ANKH: variants seen among roughly 807,000 people sequenced by gnomAD.
The protein encoded by ANKH is ANKH inorganic pyrophosphate transport regulator.
Under a neutral mutation model 49.0 loss-of-function variants are expected in ANKH, and 15 were observed. The ratio of observed to expected loss-of-function variants is 0.31; its 90% CI spans 0.20 to 0.47. The LOEUF (loss-of-function observed/expected upper bound fraction) is 0.47. Ranked by LOEUF, ANKH falls within the 20% of genes least tolerant of loss-of-function variation. The probability of loss-of-function intolerance (pLI) is 1.00; values close to 1 mark genes in which losing one functional copy is unlikely to be tolerated. For synonymous variants in ANKH, 273 were observed against 260.0 expected, an observed-to-expected ratio of 1.05 and a Z score of -0.48; for missense variants, 429 against 652.0, an observed-to-expected ratio of 0.66 and a Z score of 3.72.
intron 1 of ANKH, among the ~76,000 whole-genome samples, chr5:14,800,017 T>A (rs567594803): frequency 6.6e-5 from 10 of 151,558 alleles, no homozygotes; most frequent in Non-Finnish European, 1.2e-4. Flanking sequence ...TGGGAGGAGG[T>A]AAAACTATCC....
chr5:14,816,517 C>G (rs1245435890), intron 1 of ANKH, among the ~76,000 whole-genome samples: 1 of 152,064 alleles, frequency 6.6e-6, no homozygotes, highest in East Asian at 1.9e-4. Context: ...TCGAACTTGT[C>G]AAACTCAGAA....
intron 1 of ANKH, among the ~76,000 whole-genome samples, chr5:14,795,234 A>G (rs924832054): frequency 6.6e-6 from 1 of 152,234 alleles, no homozygotes; most frequent in African/African-American, 2.4e-5. Context: ...ATGAAAAGGT[A>G]GTCAGCAAAA....
At chr5:14,838,233 G>T (rs550035123) in intron 1 of ANKH, among the ~76,000 whole-genome samples, 1 of 151,894 alleles carries the variant, frequency 6.6e-6, no homozygotes, top group East Asian at 1.9e-4. Flanking sequence ...TGCACGTTGT[G>T]CACATGTACC....
intron 3 of ANKH, among the ~76,000 whole-genome samples, chr5:14,756,453 T>TGATACGAGGAC (rs1435420781): frequency 1.3e-5 from 2 of 152,182 alleles, no homozygotes; most frequent in Non-Finnish European, 2.9e-5. Context: ...AGGAGGAAGA[T>TGATACGAGGAC]GCTACGAGGG....
intron 8 of ANKH, among the ~76,000 whole-genome samples, chr5:14,722,049 T>A (rs1476355579): frequency 6.7e-6 from 1 of 149,058 alleles, no homozygotes; most frequent in Non-Finnish European, 1.5e-5. Flanking sequence ...AGCATAATAA[T>A]CAGACTACAT....
At chr5:14,864,243 G>T (rs1052313341) in intron 1 of ANKH, among the ~76,000 whole-genome samples, 1 of 152,168 alleles carries the variant, frequency 6.6e-6, no homozygotes, top group Non-Finnish European at 1.5e-5. Context: ...TGCTTTTAAA[G>T]AATTTGATCT....
intron 8 of ANKH, among the ~76,000 whole-genome samples, chr5:14,731,441 G>A (rs1737999065): frequency 6.6e-6 from 1 of 152,194 alleles, no homozygotes; most frequent in Admixed American, 6.5e-5. Flanking sequence ...AAGGGAAAAG[G>A]GAAAGAGCTG....
chr5:14,834,992 G>A (rs760222916), intron 1 of ANKH, among the ~76,000 whole-genome samples: 5 of 152,012 alleles, frequency 3.3e-5, no homozygotes, highest in African/African-American at 4.8e-5. Context: ...ACAAAAGCAC[G>A]GTTCTCAAGT....
chr5:14,811,328 T>C (rs1223170998), intron 1 of ANKH, among the ~76,000 whole-genome samples: 1 of 152,172 alleles, frequency 6.6e-6, no homozygotes, highest in Non-Finnish European at 1.5e-5. Context: ...CTGTGCGGTC[T>C]TAATAGGCAC....
At chr5:14,809,258 C>T (rs1401811915) in intron 1 of ANKH, among the ~76,000 whole-genome samples, 10 of 118,476 alleles carry the variant, frequency 8.4e-5, no homozygotes, top group African/African-American at 2.3e-4. Flanking sequence ...GTGGGTGCAG[C>T]GCACCAGCAT....
At chr5:14,718,363 G>A (rs1356290057) in intron 8 of ANKH, among the ~76,000 whole-genome samples, 1 of 151,858 alleles carries the variant, frequency 6.6e-6, no homozygotes, top group East Asian at 1.9e-4. Context: ...AATGTGAGGA[G>A]GTCAAAACTA....
rs560918231 is a variant in ANKH, at chr5:14,749,279, T to C, written c.715A>G (p.Ser239Gly). The C allele has an allele frequency of 3.7e-6, 6 of 1,614,236 alleles. No individual in the cohort carries two copies. The South Asian group carries it at 5.5e-5, about 15-fold the overall frequency. ...GGDATIRKML[S>G]FWWPLALILA... ...ATTAGAGCCAAAGGCCACCAGAAGC[T>C]CAGCATCTTTCTTATTGTTGCATCT... Residue 239 changes from serine to glycine, a missense_variant, in exon 6 of 12, where the codon AGC becomes GGC. This residue lies in a region of ANKH where 378 missense variants were observed against 615.3 expected (regional missense o/e 0.61). Transcript: ENST00000284268.
chr5:14,712,810 G>T, intron 11 of ANKH, 64 bp downstream of exon 11: 1 of 1,484,874 alleles, frequency 6.7e-7, no homozygotes, highest in Non-Finnish European at 9.2e-7. Flanking sequence ...GTCAGTGGCT[G>T]CTCAGGTTCT....
intron 8 of ANKH, among the ~76,000 whole-genome samples, chr5:14,728,326 C>T (rs901484132): frequency 6.6e-6 from 1 of 152,224 alleles, no homozygotes; most frequent in African/African-American, 2.4e-5. Context: ...GCCTTGGGGC[C>T]GCAGAAGCCC....
chr5:14,777,748 T>G (rs573224260), intron 1 of ANKH, among the ~76,000 whole-genome samples: 1 of 152,318 alleles, frequency 6.6e-6, no homozygotes, highest in South Asian at 2.1e-4. Flanking sequence ...CCCTCCTCGC[T>G]GAGAGGAGGT....
At chr5:14,817,736 T>A (rs1741080442) in intron 1 of ANKH, among the ~76,000 whole-genome samples, 1 of 152,182 alleles carries the variant, frequency 6.6e-6, no homozygotes, top group South Asian at 2.1e-4. Flanking sequence ...AGATATAGGC[T>A]TCACCTGGAG....
At chr5:14,746,260 T>G (rs1384037524) in intron 6 of ANKH, among the ~76,000 whole-genome samples, 2 of 151,254 alleles carry the variant, frequency 1.3e-5, no homozygotes, top group Admixed American at 6.6e-5. Context: ...GAGAAACAGG[T>G]GCAGACCACT....
At chr5:14,760,504 G>A (rs1252571808) in intron 2 of ANKH, among the ~76,000 whole-genome samples, 1 of 152,206 alleles carries the variant, frequency 6.6e-6, no homozygotes, top group African/African-American at 2.4e-5. Context: ...GTGCCGAACT[G>A]TGGAAATTTT....
rs1204261930 is a variant in ANKH at position 14,740,968 on chromosome 5, CAATA to C, written c.1011+855_1011+858del. 2.0e-5 allele frequency among the ~76,000 whole-genome samples: 3 copies of C among 152,180 alleles called. No individual in the cohort carries two copies. In the East Asian group the frequency reaches 5.8e-4, roughly 29 times the overall value. ...TTTAATAGGACATGTGTTGTGACAA[CAATA>C]AACAAGGAAAACAGAACCGAGTTCA... is the stretch of plus-strand genomic sequence containing the variant. On this transcript the variant is annotated intron_variant, in intron 8 of 11. Coordinates refer to ENST00000284268, the MANE Select transcript of ANKH (RefSeq NM_054027.6).
Sources: allele counts gnomAD v4.1 joint callset (sites outside exome capture counted in the v4.1 genomes callset), GRCh38; gene constraint gnomAD v4.1.1; regional missense constraint gnomAD v4.1.1; transcripts MANE v1.5; gene names NCBI Gene and HGNC (gene_info 2026-07-23, HGNC 2026-07-21).